Variants in GRIA3 observed in about 807,000 individuals in gnomAD.
GRIA3 encodes the protein glutamate ionotropic receptor AMPA type subunit 3.
GRIA3 carries 3 observed loss-of-function variants against 63.0 expected under a neutral mutation model. The ratio of observed to expected loss-of-function variants is 0.05; its 90% CI spans 0.02 to 0.12. GRIA3 has a LOEUF of 0.12. GRIA3 is among the 10% of genes least tolerant of loss of function. The pLI is 1.00. For synonymous variants in GRIA3, 274 were observed against 257.9 expected (o/e 1.06, Z -0.60); for missense variants, 347 against 700.9 (o/e 0.50, Z 5.70).
At chrX:123,487,568 A>G in intron 15 of GRIA3, among the ~76,000 whole-genome samples, 1 of 112,059 alleles carries the variant, frequency 8.9e-6, no homozygotes, top group Non-Finnish European at 1.9e-5. Context: ...TCTTTCTCCC[A>G]AGGGACTTTT....
intron 3 of GRIA3, among the ~76,000 whole-genome samples, chrX:123,264,258 T>C (rs1446457579): frequency 8.9e-6 from 1 of 112,140 alleles, no homozygotes; most frequent in African/African-American, 3.2e-5. Context: ...TCTGTCTGGT[T>C]TCATATAGAG....
intron 2 of GRIA3, 35 bp downstream of exon 2, chrX:123,186,025 T>A (rs753692776): frequency 2.6e-6 from 3 of 1,137,967 alleles, no homozygotes; most frequent in East Asian, 3.0e-5. Context: ...TTTGGGACGT[T>A]GGGGACCTCA....
chrX:123,326,262 C>T (rs1445535350), intron 4 of GRIA3, 49 bp downstream of exon 4: 2 of 1,013,383 alleles, frequency 2.0e-6, no homozygotes, highest in African/African-American at 1.9e-5. Flanking sequence ...AAATTATCAA[C>T]CTAAGTCAGC....
At chrX:123,338,801 C>G (rs749237720) in intron 4 of GRIA3, among the ~76,000 whole-genome samples, 3 of 112,102 alleles carry the variant, frequency 2.7e-5, no homozygotes, top group Non-Finnish European at 5.6e-5. Flanking sequence ...CCGCCTGCCT[C>G]GGCCTCCCAA....
At chrX:123,486,152 G>A (rs1322844147) in intron 15 of GRIA3, among the ~76,000 whole-genome samples, 1 of 74,360 alleles carries the variant, frequency 1.3e-5, no homozygotes, top group African/African-American at 5.4e-5. Context: ...AGGAAGGAAG[G>A]AAAGAAGAAA....
chrX:123,371,225 T>C (rs917164037), intron 5 of GRIA3, among the ~76,000 whole-genome samples: 2 of 110,824 alleles, frequency 1.8e-5, no homozygotes, highest in Admixed American at 9.8e-5. Context: ...TATTCTTTTT[T>C]ATGACTGAAT....
intron 3 of GRIA3, among the ~76,000 whole-genome samples, chrX:123,255,394 TA>T (rs2044413993): frequency 9.0e-6 from 1 of 111,281 alleles, no homozygotes; most frequent in African/African-American, 3.3e-5. Flanking sequence ...CAAATTTTAA[TA>T]AATTTCATTT....
intron 13 of GRIA3, among the ~76,000 whole-genome samples, chrX:123,473,118 C>T (rs763250705): frequency 3.6e-5 from 4 of 112,046 alleles, no homozygotes; most frequent in African/African-American, 3.2e-5. Flanking sequence ...CATGCTCCCA[C>T]GTTGTACAGA....
intron 2 of GRIA3, among the ~76,000 whole-genome samples, chrX:123,195,579 G>T: frequency 8.9e-6 from 1 of 111,873 alleles, no homozygotes; most frequent in African/African-American, 3.3e-5. Flanking sequence ...AATCCAGAGA[G>T]TCCATGCTTC....
chrX:123,307,597 G>A (rs1345828054), intron 3 of GRIA3, among the ~76,000 whole-genome samples: 2 of 112,084 alleles, frequency 1.8e-5, no homozygotes, highest in African/African-American at 6.5e-5. Context: ...GACTTTAACT[G>A]TCCTTTCCCC....
chrX:123,230,832 G>T (rs2044272190), intron 2 of GRIA3, among the ~76,000 whole-genome samples: 1 of 111,410 alleles, frequency 9.0e-6, no homozygotes, highest in Non-Finnish European at 1.9e-5. Context: ...CTACTTATTT[G>T]GTTGACAAAG....
In GRIA3 at chrX:123,414,427, AT is replaced by A. The variant is rs774692918; in HGVS notation, c.1501-2967del. Among the ~76,000 whole-genome samples, 9 of 110,687 alleles carry A rather than the reference AT, an allele frequency of 8.1e-5. No homozygotes were observed. The East Asian group carries it at 2.0e-3, about 24-fold the overall frequency. ...GCATTTCTTTTTCTTTTTCTTTTTT[AT>A]TTTTTTTATTATACTTTAAGTTCTA... On this transcript the variant is annotated intron_variant, in intron 10 of 15. Transcript: ENST00000620443.
At chrX:123,438,467 G>GA (rs1316367119) in intron 12 of GRIA3, among the ~76,000 whole-genome samples, 1 of 112,093 alleles carries the variant, frequency 8.9e-6, no homozygotes, top group Non-Finnish European at 1.9e-5. Context: ...CAATTCTTTG[G>GA]ATATACACCT....
chrX:123,251,713 C>T (rs1168969399), intron 2 of GRIA3, among the ~76,000 whole-genome samples: 1 of 111,784 alleles, frequency 8.9e-6, no homozygotes. Flanking sequence ...GGATTACAGG[C>T]GTGAGCCACC....
intron 5 of GRIA3, among the ~76,000 whole-genome samples, chrX:123,371,918 T>C (rs1383558603): frequency 9.0e-6 from 1 of 111,358 alleles, no homozygotes; most frequent in Non-Finnish European, 1.9e-5. Flanking sequence ...TAGTTTCCTA[T>C]GTGTGTAGAG....
rs1334205881 is a variant in GRIA3 at position 123,326,007 on chromosome X, C to T, written c.509-19C>T. The T allele has an allele frequency of 1.7e-6, 2 of 1,176,136 alleles. No homozygotes were observed. Among genetic ancestry groups the T allele is most frequent in the Admixed American group, 2.2e-5 (1 of 45,852 alleles). On this transcript the variant is annotated intron_variant, in intron 3 of 15. Coordinates refer to ENST00000620443, the MANE Select transcript of GRIA3 (RefSeq NM_007325.5). ...CAGAAAGATTTTTAAATCATTGAAG[C>T]TGTTTTTCCTTCCTTCAGGATTTTC... is the stretch of plus-strand genomic sequence containing the variant.
At chrX:123,204,581 C>T (rs766799027) in intron 2 of GRIA3, 1 of 1,131,642 alleles carries the variant, frequency 8.8e-7, no homozygotes, top group Non-Finnish European at 1.2e-6. Context: ...GAAGAAACTA[C>T]CCTCTGGAGA....
chrX:123,404,403 C>T (rs2045460129), intron 9 of GRIA3, among the ~76,000 whole-genome samples: 1 of 109,698 alleles, frequency 9.1e-6, no homozygotes. Flanking sequence ...ACTAAGTCTG[C>T]CAAATTTGAT....
intron 12 of GRIA3, among the ~76,000 whole-genome samples, chrX:123,457,208 C>T (rs1208635691): frequency 1.8e-5 from 2 of 111,169 alleles, no homozygotes; most frequent in African/African-American, 3.3e-5. Context: ...GCCCACTCTC[C>T]TTTTTGGGGT....
Sources: gnomAD v4.1 joint callset for allele counts (sites outside exome capture counted in the v4.1 genomes callset) on GRCh38, gnomAD v4.1.1 for gene constraint, MANE v1.5 for transcripts, NCBI Gene and HGNC (gene_info 2026-07-23, HGNC 2026-07-21) for gene names.